Variants in MEIS3 observed in about 807,000 individuals in gnomAD.
MEIS3 encodes the protein homeobox protein Meis3.
A neutral mutation model predicts 51.4 loss-of-function variants in MEIS3; 38 were observed. That is an observed-to-expected ratio of 0.74 (90% CI 0.57 to 0.97). The LOEUF is 0.97. Among genes scored for constraint, MEIS3 ranks in the 50% least tolerant of loss-of-function variants. The probability of loss-of-function intolerance (pLI) is 0.00; values close to 1 mark genes in which losing one functional copy is unlikely to be tolerated. For synonymous variants in MEIS3, 198 were observed against 201.8 expected (o/e 0.98, Z 0.16); for missense variants, 456 against 502.6 (o/e 0.91, Z 0.89).
intron 1 of MEIS3, chr19:47,417,918 C>G (rs984039061): frequency 1.6e-5 from 9 of 579,654 alleles, no homozygotes; most frequent in Non-Finnish European, 2.4e-5. Context: ...CCCAAATCCC[C>G]CCCCCCACAC....
chr19:47,417,655 A>T, intron 1 of MEIS3: 1 of 702,830 alleles, frequency 1.4e-6, no homozygotes, highest in Middle Eastern at 2.3e-4. Context: ...GCGTGAGAAG[A>T]CAGTGACAGA....
At chr19:47,412,565 T>C (rs919564727) in intron 6 of MEIS3, among the ~76,000 whole-genome samples, 1 of 151,548 alleles carries the variant, frequency 6.6e-6, no homozygotes, top group African/African-American at 2.4e-5. Context: ...TTTGTTGTTG[T>C]TTGTTTGTTT....
chr19:47,407,847 C>T (rs1413713242), intron 8 of MEIS3, among the ~76,000 whole-genome samples: 1 of 152,172 alleles, frequency 6.6e-6, no homozygotes. Context: ...CTTGCTCTGT[C>T]GCCAGGCTGG....
intron 8 of MEIS3, 66 bp downstream of exon 8, chr19:47,409,033 G>A: frequency 6.4e-7 from 1 of 1,555,438 alleles, no homozygotes; most frequent in African/African-American, 1.4e-5. Flanking sequence ...TGGGGTTTCG[G>A]TCTCTGTGGT....
At chr19:47,420,904 T>TCACACA (rs1416883609), upstream of MEIS3, among the ~76,000 whole-genome samples, 94 of 92,692 alleles carry the variant, frequency 1.0e-3, no homozygotes, top group Admixed American at 6.5e-3. Flanking sequence ...TCTCTCTCTC[T>TCACACA]CTCTCTCACA....
At chr19:47,413,982 AC>A (rs994367783) in intron 6 of MEIS3, among the ~76,000 whole-genome samples, 18 of 150,378 alleles carry the variant, frequency 1.2e-4, no homozygotes, top group African/African-American at 4.2e-4. Context: ...TGATCCACCC[AC>A]CTCAGCCTCC....
At position 47,407,353 on chromosome 19, in the gene MEIS3, A is replaced by C. The variant is rs753289486; in HGVS notation, c.934T>G (p.Trp312Gly). The C allele has an allele frequency of 1.2e-6, 2 of 1,612,500 alleles. No homozygotes were observed. The highest frequency in any genetic ancestry group is 2.2e-5 in the South Asian group (2 of 91,008). ...CGCGGGCCCTCCTGGGCCACTCACCAGTTGTTGACTTGCAGGATGGTGAGC... is the reference window on the plus strand; with the variant it reads ...CGCGGGCCCTCCTGGGCCACTCACCCGTTGTTGACTTGCAGGATGGTGAGC... ...TGLTILQVNN[W>G]FINARRRIVQ... The change falls in exon 9 of 13, where the codon TGG becomes GGG. Residue 312 changes from tryptophan to glycine, a missense_variant and splice_region_variant. Physicochemically the swap from Trp to Gly is radical, Grantham distance 184. Coordinates refer to ENST00000558555, the MANE Select transcript of MEIS3 (RefSeq NM_001301059.2).
At position 47,407,073 on chromosome 19, in the gene MEIS3, C is replaced by T. The variant is rs867358817; in HGVS notation, c.994+6G>A. ...CAGGCTCTCCGTCCCCGCCTTCCCC[C>T]TGTACCTGTGCGGTTGGATTGATCG... On this transcript the variant is annotated splice_donor_region_variant and intron_variant, in intron 10 of 12. Transcript: ENST00000558555. The T allele has an allele frequency of 1.8e-5, 29 of 1,609,894 alleles. No homozygotes were observed. The Middle Eastern group carries it at 3.6e-3, about 202-fold the overall frequency.
chr19:47,419,075 G>C lies in MEIS3; in HGVS notation c.7C>G (p.Arg3Gly). 1 of 1,245,764 alleles carries C rather than the reference G, an allele frequency of 8.0e-7. No homozygotes were observed. The highest frequency in any genetic ancestry group is 1.0e-6 in the Non-Finnish European group (1 of 995,866). 77.2% of individuals were successfully genotyped at this position (1,245,764 alleles called of 1,614,324 possible). MARRYDELPHYPG... is the reference protein window; with the variant it reads MAGRYDELPHYPG... ...GTCCCCGCCCCGAGACCTACCCTCC[G>C]GGCCATGGGCTGAGGCCGGCGGCAG... is the stretch of plus-strand genomic sequence containing the variant. The change falls in exon 1 of 13, where the codon CGG becomes GGG. Residue 3 changes from arginine (R) to glycine (G), a missense_variant. By Grantham distance (125) the Arg-to-Gly change is moderately radical. Transcript: ENST00000558555.
chr19:47,421,276 G>C (rs1971708536), upstream of MEIS3, among the ~76,000 whole-genome samples: 2 of 152,240 alleles, frequency 1.3e-5, no homozygotes, highest in African/African-American at 4.8e-5. Context: ...CCCTCTATGA[G>C]TAGATCTGGG....
rs1474007001 is a variant in MEIS3 at position 47,419,050 on chromosome 19, G to A, written c.12+20C>T. The A allele has an allele frequency of 1.6e-6, 2 of 1,245,026 alleles. No homozygotes were observed. The highest frequency in any genetic ancestry group is 3.6e-5 in the South Asian group (1 of 28,164). 77.1% of individuals were successfully genotyped at this position (1,245,026 alleles called of 1,614,324 possible). On this transcript the variant is annotated intron_variant, in intron 1 of 12. Coordinates refer to ENST00000558555, the MANE Select transcript of MEIS3 (RefSeq NM_001301059.2). ...GGTGCGGAAGCGGCCGGGACGCGGG[G>A]TCCCCGCCCCGAGACCTACCCTCCG...
Position 47,414,583 on chromosome 19 carries a change from G to A in MEIS3, c.597+134C>T. 12 of 1,017,214 alleles carry A rather than the reference G, an allele frequency of 1.2e-5. No individual in the cohort carries two copies. In the South Asian group the frequency reaches 1.9e-4, roughly 16 times the overall value. The allele number at this position is 1,017,214 out of a possible 1,614,324, so 63.0% of individuals were successfully genotyped here. The stretch of plus-strand genomic sequence containing the variant: ...GCTGTTGTGTAGTGGGTGTGTGGCT[G>A]TGTGCATATGCGTGCCCTGTGATCA... On this transcript the variant is annotated intron_variant, in intron 6 of 12. Transcript: ENST00000558555.
chr19:47,408,322 A>C (rs578213815), intron 8 of MEIS3, among the ~76,000 whole-genome samples: 1 of 150,964 alleles, frequency 6.6e-6, no homozygotes, highest in African/African-American at 2.4e-5. Flanking sequence ...GGGTCTTGCT[A>C]TGTTGCCCAG....
Position 47,403,330 on chromosome 19 carries a change from G to A in MEIS3, c.*241C>T, listed in dbSNP as rs867963223. The stretch of plus-strand genomic sequence containing the variant: ...GGACCAAGGCCCAGGAGCCCAGCTC[G>A]GGTCCCAGGCAGAGGTGAAGGCAGA... On this transcript the variant is annotated 3_prime_UTR_variant, in exon 13 of 13. Coordinates refer to ENST00000558555, the MANE Select transcript of MEIS3 (RefSeq NM_001301059.2). The A allele has an allele frequency of 6.8e-5, 30 of 437,996 alleles. No homozygotes were observed. Among genetic ancestry groups the A allele is most frequent in the Middle Eastern group, 7.5e-4 (1 of 1,342 alleles). The allele number at this position is 437,996 out of a possible 1,614,324, so 27.1% of individuals were successfully genotyped here.
At chr19:47,416,747 A>C (rs1307047276) in intron 3 of MEIS3, 45 bp from the exon 4 acceptor site, 3 of 1,611,972 alleles carry the variant, frequency 1.9e-6, no homozygotes, top group Non-Finnish European at 8.5e-7. Context: ...CCCGCCTTCC[A>C]CCCACCCCTC....
At position 47,415,048 on chromosome 19, in the gene MEIS3, C is replaced by CA. The variant is rs1026066413; in HGVS notation, c.447+2dup. On this transcript the variant is annotated splice_region_variant and intron_variant, in intron 5 of 12. Transcript: ENST00000558555. ...AGGGTGTGGGGAGGTGAGACGCGCT[C>CA]ACCTTCTCCAGCTCCAGCAGGTGGA... 2 of 1,561,256 alleles carry CA rather than the reference C, an allele frequency of 1.3e-6. No homozygotes were observed. The highest frequency in any genetic ancestry group is 1.7e-6 in the Non-Finnish European group (2 of 1,155,052).
At chr19:47,406,359 A>G (rs977917062) in intron 12 of MEIS3, 101 bp downstream of exon 12, 5 of 909,574 alleles carry the variant, frequency 5.5e-6, no homozygotes, top group Non-Finnish European at 7.2e-6. Flanking sequence ...CAGTACAGGG[A>G]CCCAGGCTGA....
chr19:47,404,029 C>T (rs1042123493), intron 12 of MEIS3, among the ~76,000 whole-genome samples: 4 of 151,986 alleles, frequency 2.6e-5, no homozygotes, highest in Admixed American at 6.6e-5. Flanking sequence ...AAGCGAGACC[C>T]GTCTCTACAA....
intron 1 of MEIS3, chr19:47,418,691 A>C: frequency 6.3e-6 from 1 of 159,898 alleles, no homozygotes; most frequent in Non-Finnish European, 1.2e-5. Context: ...GGAACAGAGG[A>C]GAGAGACTGC....
Sources: allele counts gnomAD v4.1 joint callset (sites outside exome capture counted in the v4.1 genomes callset), GRCh38; gene constraint gnomAD v4.1.1; transcripts MANE v1.5; gene names NCBI Gene and HGNC (gene_info 2026-07-23, HGNC 2026-07-21).